ATF2: variants seen among roughly 807,000 people sequenced by gnomAD.
ATF2 encodes the protein activating transcription factor 2.
A neutral mutation model predicts 60.6 loss-of-function variants in ATF2; 24 were observed. The ratio of observed to expected loss-of-function variants is 0.40; its 90% CI spans 0.29 to 0.56. ATF2 has a LOEUF of 0.56. ATF2 is among the 20% of genes least tolerant of loss of function. ATF2 has a pLI of 0.54. For missense variants in ATF2, 433 were observed against 607.7 expected (o/e 0.71, Z 3.02); for synonymous variants, 206 against 215.4 (o/e 0.96, Z 0.38).
intron 9 of ATF2, among the ~76,000 whole-genome samples, chr2:175,112,971 T>C (rs1452379978): frequency 2.0e-5 from 3 of 152,200 alleles, no homozygotes; most frequent in Non-Finnish European, 4.4e-5. Flanking sequence ...GAAAAAACTA[T>C]CTTTTTATTA....
intron 3 of ATF2, among the ~76,000 whole-genome samples, 180 bp downstream of exon 3, chr2:175,136,232 C>T (rs2105766800): frequency 6.6e-6 from 1 of 152,060 alleles, no homozygotes; most frequent in East Asian, 1.9e-4. Context: ...TACTTAGATG[C>T]TTTTAATTTG....
At chr2:175,166,418 C>T (rs1415970144) in intron 1 of ATF2, among the ~76,000 whole-genome samples, 1 of 152,148 alleles carries the variant, frequency 6.6e-6, no homozygotes, top group Non-Finnish European at 1.5e-5. Context: ...TTAACTATTA[C>T]GCAACTACTG....
rs969991232 is a variant in ATF2 at position 175,073,541 on chromosome 2, T to C, written c.*1068A>G. The C allele has an allele frequency of 6.6e-6, 1 of 152,076 alleles. No homozygotes were observed. The highest frequency in any genetic ancestry group is 1.5e-5 in the Non-Finnish European group (1 of 67,980). 9.4% of individuals were successfully genotyped at this position (152,076 alleles called of 1,614,324 possible). A position where few individuals can be genotyped will look rare whatever the true frequency, so the allele number is the denominator to read the frequency against. On this transcript the variant is annotated 3_prime_UTR_variant, in exon 14 of 14. Transcript: ENST00000264110. Reference sequence around the variant, plus strand: ...CACTTCCCACATTATAATTACATTGTTCTAAAGATAGATACTGATTTTTTT... The same window carrying C: ...CACTTCCCACATTATAATTACATTGCTCTAAAGATAGATACTGATTTTTTT...
At chr2:175,087,408 C>G (rs1483092143) in intron 12 of ATF2, among the ~76,000 whole-genome samples, 1 of 152,164 alleles carries the variant, frequency 6.6e-6, no homozygotes, top group East Asian at 1.9e-4. Flanking sequence ...CACCGCTCCA[C>G]TCTAATAATG....
chr2:175,099,489 T>A (rs1321617357), intron 10 of ATF2, among the ~76,000 whole-genome samples: 20 of 152,176 alleles, frequency 1.3e-4, no homozygotes. Flanking sequence ...AAAATCCTCA[T>A]GCCCTTTCCT....
chr2:175,103,124 T>C (rs1300431856), intron 10 of ATF2, among the ~76,000 whole-genome samples: 2 of 152,132 alleles, frequency 1.3e-5, no homozygotes, highest in Non-Finnish European at 2.9e-5. Context: ...CTGTCAGAAC[T>C]TAGTAGTAGG....
At chr2:175,149,223 T>C (rs1425289574) in intron 2 of ATF2, among the ~76,000 whole-genome samples, 2 of 152,116 alleles carry the variant, frequency 1.3e-5, no homozygotes, top group African/African-American at 2.4e-5. Flanking sequence ...CAAGGTTATA[T>C]AAGCTATGGC....
intron 2 of ATF2, among the ~76,000 whole-genome samples, chr2:175,144,902 C>A (rs1698842553): frequency 6.6e-6 from 1 of 152,098 alleles, no homozygotes; most frequent in African/African-American, 2.4e-5. Flanking sequence ...AAGGTGAGTG[C>A]CTAATGGCAC....
chr2:175,125,596 T>C (rs1389562927), intron 4 of ATF2, among the ~76,000 whole-genome samples: 1 of 152,132 alleles, frequency 6.6e-6, no homozygotes, highest in East Asian at 1.9e-4. Context: ...AGTTCCAAAA[T>C]GTATTTTAAG....
intron 5 of ATF2, 67 bp downstream of exon 5, chr2:175,121,377 T>G: frequency 9.6e-7 from 1 of 1,045,180 alleles, no homozygotes; most frequent in South Asian, 1.8e-5. Flanking sequence ...TTACAGAGAA[T>G]ACACAAAAAT....
At chr2:175,139,811 A>C (rs1280004772) in intron 2 of ATF2, among the ~76,000 whole-genome samples, 1 of 152,216 alleles carries the variant, frequency 6.6e-6, no homozygotes, top group Non-Finnish European at 1.5e-5. Context: ...ATTATGAAAA[A>C]TCTAAAACAT....
intron 10 of ATF2, among the ~76,000 whole-genome samples, chr2:175,105,694 C>T (rs957399311): frequency 6.6e-6 from 1 of 152,122 alleles, no homozygotes; most frequent in Non-Finnish European, 1.5e-5. Context: ...ACTGTACCAG[C>T]ATAGCAATAT....
intron 3 of ATF2, among the ~76,000 whole-genome samples, chr2:175,131,936 AT>A (rs972265335): frequency 1.3e-5 from 2 of 152,196 alleles, no homozygotes; most frequent in African/African-American, 4.8e-5. Flanking sequence ...GTTAACACAT[AT>A]TTTTTAAAAC....
intron 1 of ATF2, among the ~76,000 whole-genome samples, chr2:175,167,426 A>G (rs1478953417): frequency 6.6e-6 from 1 of 151,926 alleles, no homozygotes; most frequent in Non-Finnish European, 1.5e-5. Flanking sequence ...AGGGTGGCGG[A>G]AAGGACGGAA....
At chr2:175,158,122 G>C (rs1699801101) in intron 1 of ATF2, among the ~76,000 whole-genome samples, 1 of 152,072 alleles carries the variant, frequency 6.6e-6, no homozygotes, top group Admixed American at 6.6e-5. Context: ...ATCACCTTGG[G>C]AATAGCAAAG....
chr2:175,123,040 A>G (rs1006264556), intron 4 of ATF2, among the ~76,000 whole-genome samples: 11 of 152,116 alleles, frequency 7.2e-5, no homozygotes, highest in African/African-American at 2.6e-4. Flanking sequence ...CAACACTTCC[A>G]CTACTTGACA....
intron 10 of ATF2, among the ~76,000 whole-genome samples, chr2:175,108,477 C>T (rs1409100937): frequency 3.4e-5 from 5 of 148,968 alleles, no homozygotes; most frequent in Admixed American, 6.6e-5. Flanking sequence ...GGTCAGCCCC[C>T]GCCCGGCCAG....
rs376212409 is a variant in ATF2, at chr2:175,118,176, A to C, written c.319-58T>G. 2.0e-4 allele frequency: 318 copies of C among 1,594,112 alleles called. 12 individuals carry two copies. The highest frequency in any genetic ancestry group is 1.8e-3 in the East Asian group (81 of 44,664). ...GTTCAAAAACAGTGTGTCTAAATTT[A>C]AAAAGCAGGAAGTATAAACTATGAT... On this transcript the variant is annotated intron_variant, in intron 6 of 13. Transcript: ENST00000264110.
In ATF2 at chr2:175,117,993, C is replaced by T. The variant is rs367938490; in HGVS notation, c.444G>A (p.Glu148=). 3 of 1,597,032 alleles carry T rather than the reference C, an allele frequency of 1.9e-6. No homozygotes were observed. Among genetic ancestry groups the T allele is most frequent in the Non-Finnish European group, 2.6e-6 (3 of 1,174,424 alleles). The change falls in exon 7 of 14, where the codon GAG becomes GAA. Residue 148 remains glutamate, a synonymous_variant. Transcript: ENST00000264110. The stretch of plus-strand genomic sequence containing the variant: ...TGTATTTCTAAAAATTTCTAACCTT[C>T]TCATCACTGGTAGTAGACTCTGGGT... The part of the protein sequence containing the change: ...LPHPESTTSD[E]KEVPLAQTAQ...
Sources: allele counts gnomAD v4.1 joint callset (sites outside exome capture counted in the v4.1 genomes callset), GRCh38; gene constraint gnomAD v4.1.1; transcripts MANE v1.5; gene names NCBI Gene and HGNC (gene_info 2026-07-23, HGNC 2026-07-21).